Variants in ZNF12 observed in about 807,000 individuals in gnomAD.
ZNF12 encodes the protein zinc finger protein 12.
ZNF12 carries 34 observed loss-of-function variants against 66.6 expected under a neutral mutation model. That is an observed-to-expected ratio of 0.51 (90% confidence interval 0.39 to 0.68). The LOEUF (loss-of-function observed/expected upper bound fraction) is 0.68. Among genes scored for constraint, ZNF12 ranks in the 30% least tolerant of loss-of-function variants. ZNF12 has a pLI of 0.00. For synonymous variants in ZNF12, 320 were observed against 278.9 expected (o/e 1.15, Z -1.47); for missense variants, 697 against 826.9 (o/e 0.84, Z 1.93).
In ZNF12 at chr7:6,697,246, T is replaced by C; in HGVS notation, c.238+93A>G. On this transcript the variant is annotated intron_variant, in intron 4 of 4. Transcript: ENST00000405858. This position sits in a 1 kb window ranked among gnomAD's most constrained non-coding sequence, Gnocchi z 6.1. ...GTTCATAGAGCATATAAGCAACTAT[T>C]TCTAGTCACTTCTAAAGGTTCGGGA... The C allele has an allele frequency of 2.2e-6, 2 of 905,108 alleles. No individual in the cohort carries two copies. Among genetic ancestry groups the C allele is most frequent in the Non-Finnish European group, 3.4e-6 (2 of 594,442 alleles). 56.1% of individuals were successfully genotyped at this position (905,108 alleles called of 1,614,324 possible).
chr7:6,701,434 G>A (rs746907834), intron 2 of ZNF12, among the ~76,000 whole-genome samples: 14 of 152,246 alleles, frequency 9.2e-5, no homozygotes, highest in Non-Finnish European at 1.6e-4. Context: ...AACAGCAGGT[G>A]TCTGTGTGGT....
intron 2 of ZNF12, among the ~76,000 whole-genome samples, chr7:6,701,725 A>G (rs536343598): frequency 3.6e-4 from 54 of 151,658 alleles, no homozygotes; most frequent in African/African-American, 1.2e-3. Flanking sequence ...TTCTCTAACC[A>G]CCTCATGGGA....
intron 1 of ZNF12, among the ~76,000 whole-genome samples, chr7:6,706,190 C>T (rs959989201): frequency 6.6e-6 from 1 of 152,170 alleles, no homozygotes; most frequent in African/African-American, 2.4e-5. Flanking sequence ...CAATCTGGAG[C>T]AGAGAGAGGA....
chr7:6,700,547 C>T (rs1353802121), intron 2 of ZNF12, among the ~76,000 whole-genome samples: 1 of 152,140 alleles, frequency 6.6e-6, no homozygotes, highest in African/African-American at 2.4e-5. Flanking sequence ...CTCAGCTAGA[C>T]ACCCTTGAGT....
Position 6,705,962 on chromosome 7 carries a change from A to G in ZNF12, c.-51+470T>C, listed in dbSNP as rs1370632831. Among the ~76,000 whole-genome samples, 1 of 152,132 alleles carries G rather than the reference A, an allele frequency of 6.6e-6. No homozygotes were observed. Among genetic ancestry groups the G allele is most frequent in the Non-Finnish European group, 1.5e-5 (1 of 68,024 alleles). On this transcript the variant is annotated intron_variant, in intron 1 of 4. Coordinates refer to ENST00000405858, the MANE Select transcript of ZNF12 (RefSeq NM_016265.4). The surrounding 1 kb of genome is among the most constrained non-coding windows in gnomAD (Gnocchi z 4.0). ...GGGGGACAGAACACTGGCCTGGGAG[A>G]TAAAACTCCAGAGTTCTACTATGAG...
chr7:6,689,118 A>G lies in ZNF12; in HGVS notation c.*1730T>C, dbSNP rs1780029229. Reference sequence around the variant, plus strand: ...TGTACCAATTAGAATGTCTTCAGTTATTAGTAATAGAGCATCCTAAATCAA... The same window carrying G: ...TGTACCAATTAGAATGTCTTCAGTTGTTAGTAATAGAGCATCCTAAATCAA... On this transcript the variant is annotated 3_prime_UTR_variant, in exon 5 of 5. Coordinates refer to ENST00000405858, the MANE Select transcript of ZNF12 (RefSeq NM_016265.4). The G allele has an allele frequency of 6.6e-6, 1 of 152,308 alleles. No homozygotes were observed. The highest frequency in any genetic ancestry group is 2.4e-5 in the African/African-American group (1 of 41,462). The allele number at this position is 152,308 out of a possible 1,614,324, so 9.4% of individuals were successfully genotyped here. A position where few individuals can be genotyped will look rare whatever the true frequency, so the allele number is the denominator to read the frequency against.
intron 2 of ZNF12, among the ~76,000 whole-genome samples, chr7:6,702,382 CCACA>C (rs143849577): frequency 3.4e-5 from 5 of 147,820 alleles, no homozygotes; most frequent in East Asian, 4.0e-4. Flanking sequence ...CTCCCAAACT[CCACA>C]CACACACACA....
chr7:6,691,611 T>C lies in ZNF12; in HGVS notation c.1331A>G (p.Lys444Arg). ...EKPYECNECG[K>R]FFSRLSYLTV... is the part of the protein sequence containing the mutation. ...GAGATATGACAACCGAGAGAAGAAT[T>C]TTCCACACTCATTACATTCATACGG... The change falls in exon 5 of 5, where the codon AAA (lysine) becomes AGA (arginine). Residue 444 changes from lysine (K) to arginine (R), a missense_variant. Transcript: ENST00000405858. 6.2e-7 allele frequency: 1 copy of C among 1,614,078 alleles called. No homozygotes were observed. The highest frequency in any genetic ancestry group is 8.5e-7 in the Non-Finnish European group (1 of 1,179,954).
At chr7:6,706,241 C>G (rs1389854421) in intron 1 of ZNF12, among the ~76,000 whole-genome samples, 191 bp downstream of exon 1, 2 of 152,152 alleles carry the variant, frequency 1.3e-5, no homozygotes, top group Non-Finnish European at 2.9e-5. Context: ...AGACAACGTC[C>G]GCAGCTGAGG....
intron 4 of ZNF12, among the ~76,000 whole-genome samples, chr7:6,693,910 G>A (rs919856257): frequency 6.6e-6 from 1 of 152,180 alleles, no homozygotes; most frequent in African/African-American, 2.4e-5. Flanking sequence ...GCTCACGCCT[G>A]TAATCCCAGC....
rs1463021117 is a variant in ZNF12, at chr7:6,696,308, C to G, written c.238+1031G>C. 6.7e-6 allele frequency among the ~76,000 whole-genome samples: 1 copy of G among 149,780 alleles called. No individual in the cohort carries two copies. The highest frequency in any genetic ancestry group is 1.5e-5 in the Non-Finnish European group (1 of 66,614). On this transcript the variant is annotated intron_variant, in intron 4 of 4. Coordinates refer to ENST00000405858, the MANE Select transcript of ZNF12 (RefSeq NM_016265.4). The surrounding 1 kb of genome is among the most constrained non-coding windows in gnomAD (Gnocchi z 4.0). ...AATTTCAGTGGTTTCACAGGGACCA[C>G]TATAGAAGAAGAAGAGATTAGTATA...
In ZNF12 at chr7:6,696,096, A is replaced by G. The variant is rs371344404; in HGVS notation, c.238+1243T>C. Among the ~76,000 whole-genome samples, 1 of 152,254 alleles carries G rather than the reference A, an allele frequency of 6.6e-6. No homozygotes were observed. The highest frequency in any genetic ancestry group is 2.1e-4 in the South Asian group (1 of 4,834). On this transcript the variant is annotated intron_variant, in intron 4 of 4. Transcript: ENST00000405858. The surrounding 1 kb of genome is among the most constrained non-coding windows in gnomAD (Gnocchi z 4.0). ...AACTATAGGCTTATCTTGTGAGGCT[A>G]GCGATGATATCAACTGGAAACTTTA...
Position 6,691,412 on chromosome 7 carries a change from G to C in ZNF12, c.1530C>G (p.Ile510Met), listed in dbSNP as rs1349726674. The C allele has an allele frequency of 2.5e-6, 4 of 1,612,680 alleles. No homozygotes were observed. Among genetic ancestry groups the C allele is most frequent in the Non-Finnish European group, 3.4e-6 (4 of 1,179,584 alleles). Reference protein sequence around the residue: ...KLFSQLSYLTIHHRTHSGVKP... With the variant: ...KLFSQLSYLTMHHRTHSGVKP... ...TTACTCCTGAATGAGTTCTATGATG[G>C]ATAGTGAGGTATGACAACTGGGAGA... The change falls in exon 5 of 5, where the codon ATC (isoleucine) becomes ATG (methionine). Residue 510 changes from isoleucine to methionine, a missense_variant. Coordinates refer to ENST00000405858, the MANE Select transcript of ZNF12 (RefSeq NM_016265.4).
rs1266134127 is a variant in ZNF12 at position 6,704,831 on chromosome 7, C to G, written c.15+328G>C. Among the ~76,000 whole-genome samples, 8 of 145,434 alleles carry G rather than the reference C, an allele frequency of 5.5e-5. No homozygotes were observed. The East Asian group carries it at 1.7e-3, about 31-fold the overall frequency. ...ATTTAGGAAAGCTGTTGATAATGAT[C>G]TCAGAGGAATCTTTAAAATTCATGC... is the stretch of plus-strand genomic sequence containing the variant. On this transcript the variant is annotated intron_variant, in intron 2 of 4. Transcript: ENST00000405858.
At position 6,692,808 on chromosome 7, in the gene ZNF12, C is replaced by T; in HGVS notation, c.239-105G>A. ...ACACGCATCTCATTGTGAGTAGATG[C>T]TAGCTTCATGAACAGATGAAAATAA... is the stretch of plus-strand genomic sequence containing the variant. On this transcript the variant is annotated intron_variant, in intron 4 of 4. Transcript: ENST00000405858. The surrounding 1 kb of genome is among the most constrained non-coding windows in gnomAD (Gnocchi z 5.1). 1 of 1,147,806 alleles carries T rather than the reference C, an allele frequency of 8.7e-7. No individual in the cohort carries two copies. Among genetic ancestry groups the T allele is most frequent in the Non-Finnish European group, 1.2e-6 (1 of 826,760 alleles). 71.1% of individuals were successfully genotyped at this position (1,147,806 alleles called of 1,614,324 possible).
intron 4 of ZNF12, among the ~76,000 whole-genome samples, chr7:6,693,374 G>A (rs1780103842): frequency 6.6e-6 from 1 of 152,182 alleles, no homozygotes; most frequent in Non-Finnish European, 1.5e-5. Flanking sequence ...CTTGGATGAA[G>A]AATCCCAGGA....
Position 6,688,465 on chromosome 7 carries a change from A to G in ZNF12, c.*2383T>C, listed in dbSNP as rs142478665. On this transcript the variant is annotated 3_prime_UTR_variant, in exon 5 of 5. Transcript: ENST00000405858. The surrounding 1 kb of genome is among the most constrained non-coding windows in gnomAD (Gnocchi z 4.3). ...TTTTCAAATATTTTACTGAAAATGC[A>G]TATTGTACAATTAATGTATAATGAC... is the stretch of plus-strand genomic sequence containing the variant. The G allele has an allele frequency of 2.6e-5, 4 of 152,362 alleles. No homozygotes were observed. The highest frequency in any genetic ancestry group is 9.6e-5 in the African/African-American group (4 of 41,586). 9.4% of individuals were successfully genotyped at this position (152,362 alleles called of 1,614,324 possible).
Position 6,697,499 on chromosome 7 carries a change from A to G in ZNF12, c.143-65T>C. 6.5e-7 allele frequency: 1 copy of G among 1,548,254 alleles called. No homozygotes were observed. Among genetic ancestry groups the G allele is most frequent in the Non-Finnish European group, 8.8e-7 (1 of 1,133,354 alleles). On this transcript the variant is annotated intron_variant, in intron 3 of 4. Coordinates refer to ENST00000405858, the MANE Select transcript of ZNF12 (RefSeq NM_016265.4). This position sits in a 1 kb window ranked among gnomAD's most constrained non-coding sequence, Gnocchi z 6.1. ...GTTGGCTTCAGGGTCTCTGTCATAC[A>G]GGGAAAATTCCATTTGTGTCTTATC...
chr7:6,691,238 A>G lies in ZNF12; in HGVS notation c.1704T>C (p.His568=), dbSNP rs1780062676. 2 of 1,613,672 alleles carry G rather than the reference A, an allele frequency of 1.2e-6. No homozygotes were observed. The highest frequency in any genetic ancestry group is 1.7e-6 in the Non-Finnish European group (2 of 1,179,908). The part of the protein sequence containing the change: ...FSQMSYLTIH[H]RIHSGEKPYE... ...AGGGCTTCTCTCCTGAATGAATTCT[A>G]TGATGTATAGTGAGGTATGACATCT... The change falls in exon 5 of 5, where the codon CAT becomes CAC. Residue 568 remains histidine (H), a synonymous_variant. Coordinates refer to ENST00000405858, the MANE Select transcript of ZNF12 (RefSeq NM_016265.4).
Sources: allele counts gnomAD v4.1 joint callset (sites outside exome capture counted in the v4.1 genomes callset), GRCh38; gene constraint gnomAD v4.1.1; non-coding constraint Gnocchi (gnomAD v3.1); transcripts MANE v1.5; gene names NCBI Gene and HGNC (gene_info 2026-07-23, HGNC 2026-07-21).